PCDHA3: variants seen among roughly 807,000 people sequenced by gnomAD.
PCDHA3 encodes the protein protocadherin alpha-3.
A neutral mutation model predicts 62.2 loss-of-function variants in PCDHA3; 41 were observed. That is an observed-to-expected ratio of 0.66 (90% CI 0.51 to 0.86). The LOEUF is 0.86. Among genes scored for constraint, PCDHA3 ranks in the 40% least tolerant of loss-of-function variants. The probability of loss-of-function intolerance (pLI) is 0.00; values close to 1 mark genes in which losing one functional copy is unlikely to be tolerated. For missense variants in PCDHA3, 1,304 were observed against 1,241.2 expected, an observed-to-expected ratio of 1.05 and a Z score of -0.76; for synonymous variants, 640 against 555.4, an observed-to-expected ratio of 1.15 and a Z score of -2.14.
At position 140,928,737 on chromosome 5, in the gene PCDHA3, A is replaced by G. The variant is rs140056024; in HGVS notation, c.2395-50212A>G. On this transcript the variant is annotated intron_variant, in intron 1 of 3. Coordinates refer to ENST00000522353, the MANE Select transcript of PCDHA3 (RefSeq NM_018906.3). ...GTCTCTTTAGAATTTCAGCCAATAT[A>G]GGTGAGCTCCGTACTGCTCGCTTAG... is the stretch of plus-strand genomic sequence containing the variant. 5.6e-6 allele frequency: 9 copies of G among 1,614,000 alleles called. No homozygotes were observed. In the African/African-American group the frequency reaches 8.0e-5, roughly 14 times the overall value.
chr5:140,981,626 T>A (rs1199717691), intron 2 of PCDHA3, among the ~76,000 whole-genome samples: 1 of 152,176 alleles, frequency 6.6e-6, no homozygotes, highest in Middle Eastern at 3.2e-3. Flanking sequence ...GAGGGTTTTC[T>A]TGGACATTTT....
chr5:140,838,630 TG>T (rs1775811186), intron 1 of PCDHA3, among the ~76,000 whole-genome samples: 3 of 152,046 alleles, frequency 2.0e-5, no homozygotes, highest in African/African-American at 7.3e-5. Flanking sequence ...ACAAATAATT[TG>T]GTTGGTCAAA....
chr5:140,929,283 G>C lies in PCDHA3; in HGVS notation c.2395-49666G>C, dbSNP rs782178876. On this transcript the variant is annotated intron_variant, in intron 1 of 3. Coordinates refer to ENST00000522353, the MANE Select transcript of PCDHA3 (RefSeq NM_018906.3). ...TGAATTTGCCAATATCCTGTATTCA[G>C]ATTCGGAATAGGAAAGGGGATCACG... 52 of 1,600,904 alleles carry C rather than the reference G, an allele frequency of 3.2e-5. No homozygotes were observed. The African/African-American group carries it at 6.7e-4, about 21-fold the overall frequency.
chr5:140,860,129 G>GTGTGTATATA (rs1168748861), intron 1 of PCDHA3: 1 of 150,592 alleles, frequency 6.6e-6, no homozygotes, highest in Non-Finnish European at 1.5e-5. Flanking sequence ...TACTGTGTGT[G>GTGTGTATATA]TGTGTATATA....
At chr5:140,875,903 A>G in intron 1 of PCDHA3, 1 of 1,614,184 alleles carries the variant, frequency 6.2e-7, no homozygotes, top group Non-Finnish European at 8.5e-7. Context: ...CCTGTTTCTG[A>G]ATCTGCGCCT....
intron 1 of PCDHA3, 149 bp from the exon 2 acceptor site, chr5:140,978,800 T>C: frequency 6.8e-7 from 1 of 1,480,668 alleles, no homozygotes; most frequent in South Asian, 1.4e-5. Flanking sequence ...TATATGTAGA[T>C]ATCATCATAG....
intron 1 of PCDHA3, chr5:140,828,518 T>G (rs2150156316): frequency 6.2e-7 from 1 of 1,614,092 alleles, no homozygotes; most frequent in Non-Finnish European, 8.5e-7. Flanking sequence ...AGTGCTGATT[T>G]ACGAATCTAG....
At chr5:140,872,131 A>G (rs2053496652) in intron 1 of PCDHA3, among the ~76,000 whole-genome samples, 1 of 152,148 alleles carries the variant, frequency 6.6e-6, no homozygotes, top group African/African-American at 2.4e-5. Context: ...TATCAAAGCT[A>G]GAATACTCCA....
intron 1 of PCDHA3, chr5:140,849,391 G>A: frequency 1.3e-6 from 2 of 1,539,768 alleles, no homozygotes; most frequent in South Asian, 1.1e-5. Flanking sequence ...GACCCCTTAA[G>A]TGGGGCAATC....
rs1305231081 is a variant in PCDHA3 at position 141,010,857 on chromosome 5, G to A, written c.*920G>A. The A allele has an allele frequency of 6.5e-6, 1 of 153,732 alleles. No homozygotes were observed. The highest frequency in any genetic ancestry group is 2.4e-5 in the African/African-American group (1 of 41,448). 9.5% of individuals were successfully genotyped at this position (153,732 alleles called of 1,614,324 possible). ...ATAGATTTATTTAAAAAAAGAGAAAGTCTATAGCTATAAATCTTTAAAGAG... is the reference window on the plus strand; with the variant it reads ...ATAGATTTATTTAAAAAAAGAGAAAATCTATAGCTATAAATCTTTAAAGAG... On this transcript the variant is annotated 3_prime_UTR_variant, in exon 4 of 4. Transcript: ENST00000522353.
intron 3 of PCDHA3, among the ~76,000 whole-genome samples, chr5:141,001,598 G>C (rs2098027263): frequency 6.6e-6 from 1 of 152,088 alleles, no homozygotes; most frequent in South Asian, 2.1e-4. Flanking sequence ...ACTCAGATTA[G>C]GTTTGCCCAA....
intron 1 of PCDHA3, chr5:140,876,770 C>T (rs2056573777): frequency 6.2e-7 from 1 of 1,614,248 alleles, no homozygotes; most frequent in Non-Finnish European, 8.5e-7. Context: ...GGGGGCTCGC[C>T]TTCGCTGTGG....
At position 140,802,812 on chromosome 5, in the gene PCDHA3, G is replaced by A; in HGVS notation, c.1615G>A (p.Asp539Asn). 2 of 1,613,522 alleles carry A rather than the reference G, an allele frequency of 1.2e-6. No homozygotes were observed. Among genetic ancestry groups the A allele is most frequent in the East Asian group, 2.2e-5 (1 of 44,872 alleles). ...ELLQFQVSAR[D>N]AGVPPLGSNV... The stretch of plus-strand genomic sequence containing the variant: ...GCTGCAGTTCCAGGTGAGTGCGCGC[G>A]ATGCGGGCGTGCCGCCTCTGGGCAG... The change falls in exon 1 of 4, where the codon GAT becomes AAT. Residue 539 changes from aspartate to asparagine, a missense_variant. Transcript: ENST00000522353.
intron 1 of PCDHA3, among the ~76,000 whole-genome samples, chr5:140,954,810 A>C (rs1169811573): frequency 6.6e-6 from 1 of 151,948 alleles, no homozygotes; most frequent in Non-Finnish European, 1.5e-5. Context: ...CTTTTGTTGA[A>C]ATTGCTTTAG....
chr5:140,923,155 A>G (rs1316496589), intron 1 of PCDHA3, among the ~76,000 whole-genome samples: 4 of 152,236 alleles, frequency 2.6e-5, no homozygotes, highest in Non-Finnish European at 5.9e-5. Context: ...AAAAAATTAT[A>G]GAAAGATAAA....
chr5:140,856,173 C>T (rs782775861), intron 1 of PCDHA3: 10 of 1,598,116 alleles, frequency 6.3e-6, no homozygotes, highest in African/African-American at 1.3e-5. Flanking sequence ...AGACACGGCA[C>T]CTTCGTGGGC....
chr5:140,857,139 T>A (rs1554149566), intron 1 of PCDHA3: 1 of 1,598,268 alleles, frequency 6.3e-7, no homozygotes, highest in South Asian at 1.1e-5. Context: ...GATGCTCAAG[T>A]GGGCACCGTC....
intron 1 of PCDHA3, chr5:140,851,778 A>G: frequency 3.1e-6 from 3 of 964,858 alleles, no homozygotes; most frequent in Non-Finnish European, 3.8e-6. Context: ...ATGAATTTAG[A>G]TGAGAATTCA....
intron 1 of PCDHA3, chr5:140,821,783 A>T (rs2150110665): frequency 2.5e-6 from 4 of 1,610,396 alleles, no homozygotes; most frequent in Non-Finnish European, 2.5e-6. Flanking sequence ...GAGATGGTAT[A>T]TTCCCGGAGA....
Sources: allele counts gnomAD v4.1 joint callset (sites outside exome capture counted in the v4.1 genomes callset), GRCh38; gene constraint gnomAD v4.1.1; transcripts MANE v1.5; gene names NCBI Gene and HGNC (gene_info 2026-07-23, HGNC 2026-07-21).